The following DMD variants were observed in gnomAD, a reference collection of about 807,000 sequenced individuals.
DMD encodes the protein dystrophin.
DMD carries 63 observed loss-of-function variants against 330.1 expected under a neutral mutation model. The observed-to-expected ratio is 0.19, with a 90% CI of 0.16 to 0.24. The LOEUF is 0.24. DMD is among the 10% of genes least tolerant of loss of function. The probability of loss-of-function intolerance (pLI) is 1.00; values close to 1 mark genes in which losing one functional copy is unlikely to be tolerated. For missense variants in DMD, 3,344 were observed against 2,684.1 expected (o/e 1.25, Z -5.43); for synonymous variants, 1,223 against 959.8 (o/e 1.27, Z -5.07).
At chrX:31,467,356 TGA>T (rs2066930896) in intron 59 of DMD, among the ~76,000 whole-genome samples, 1 of 111,537 alleles carries the variant, frequency 9.0e-6, no homozygotes, top group South Asian at 3.8e-4. Flanking sequence ...CCTAATTTAT[TGA>T]GAGTTTTTAG....
chrX:32,291,704 T>C (rs965801249), intron 42 of DMD, among the ~76,000 whole-genome samples: 1 of 111,864 alleles, frequency 8.9e-6, no homozygotes. Flanking sequence ...CTTGTGTATG[T>C]GTGCATAAGT....
intron 44 of DMD, among the ~76,000 whole-genome samples, chrX:32,129,834 T>C (rs1025841547): frequency 1.8e-5 from 2 of 110,011 alleles, no homozygotes; most frequent in Admixed American, 2.0e-4. Flanking sequence ...CGAGTTTGGG[T>C]CATTTTAAAG....
intron 54 of DMD, among the ~76,000 whole-genome samples, chrX:31,657,319 C>A (rs1426968020): frequency 9.0e-6 from 1 of 111,671 alleles, no homozygotes; most frequent in Non-Finnish European, 1.9e-5. Context: ...AAAATCTCTG[C>A]CCTCATGGCA....
intron 9 of DMD, among the ~76,000 whole-genome samples, chrX:32,691,926 A>C (rs1257417343): frequency 1.8e-5 from 2 of 111,865 alleles, no homozygotes; most frequent in African/African-American, 6.5e-5. Context: ...ACACTCCATG[A>C]TTCTACTTAT....
At chrX:32,252,863 T>C (rs1374784348) in intron 43 of DMD, among the ~76,000 whole-genome samples, 4 of 75,148 alleles carry the variant, frequency 5.3e-5, no homozygotes, top group Non-Finnish European at 9.1e-5. Context: ...TATATATAAA[T>C]ATATAAATAT....
chrX:33,269,973 T>C (rs1322798243), intron 1 of DMD, among the ~76,000 whole-genome samples: 1 of 110,078 alleles, frequency 9.1e-6, no homozygotes, highest in African/African-American at 3.3e-5. Context: ...TATGTATATA[T>C]ATATAATCAC....
chrX:31,185,327 A>C (rs148035490), intron 67 of DMD, among the ~76,000 whole-genome samples: 4,267 of 109,997 alleles, frequency 0.039, 148 homozygotes, highest in South Asian at 0.19. Flanking sequence ...CTGTTACATA[A>C]ATGTTACTCT....
chrX:32,005,422 C>T (rs1012984175), intron 44 of DMD, among the ~76,000 whole-genome samples: 48 of 110,778 alleles, frequency 4.3e-4, no homozygotes, highest in Non-Finnish European at 8.0e-4. Flanking sequence ...TATACGTATT[C>T]CTCTCTGATC....
At chrX:31,451,835 TA>T (rs34070592) in intron 59 of DMD, among the ~76,000 whole-genome samples, 211 of 100,953 alleles carry the variant, frequency 2.1e-3, no homozygotes, top group Middle Eastern at 0.01. Context: ...AAACGTACTT[TA>T]AAAAAAAAAA....
At chrX:32,558,982 G>A (rs867278882) in intron 16 of DMD, among the ~76,000 whole-genome samples, 13 of 71,047 alleles carry the variant, frequency 1.8e-4, no homozygotes, top group Non-Finnish European at 2.7e-4. Context: ...ACGAAGTCTC[G>A]CTCTGTCATC....
At chrX:31,268,845 GTTTT>G (rs779250849) in intron 62 of DMD, among the ~76,000 whole-genome samples, 1 of 112,099 alleles carries the variant, frequency 8.9e-6, no homozygotes, top group African/African-American at 3.2e-5. Context: ...TTCCTTTCCT[GTTTT>G]TTGTTTGTTT....
At chrX:32,199,456 T>C (rs149296279) in intron 44 of DMD, among the ~76,000 whole-genome samples, 114 of 110,951 alleles carry the variant, frequency 1.0e-3, no homozygotes, top group African/African-American at 3.6e-3. Context: ...GAAGTGAGGA[T>C]GTGCAGTCTG....
chrX:33,289,962 C>A (rs2053488826), intron 1 of DMD, among the ~76,000 whole-genome samples: 1 of 111,687 alleles, frequency 9.0e-6, no homozygotes, highest in Admixed American at 9.6e-5. Context: ...CTGCTGCTTA[C>A]TGAACAAGTC....
chrX:31,711,494 A>G (rs762802086), intron 52 of DMD, among the ~76,000 whole-genome samples: 10 of 111,626 alleles, frequency 9.0e-5, no homozygotes, highest in African/African-American at 3.3e-4. Context: ...GTCAATCTAT[A>G]CAGCATATTG....
At chrX:31,738,729 G>A (rs958115165) in intron 51 of DMD, among the ~76,000 whole-genome samples, 7 of 112,151 alleles carry the variant, frequency 6.2e-5, no homozygotes, top group Non-Finnish European at 1.1e-4. Flanking sequence ...ATGCACAATG[G>A]AATACTACTC....
At chrX:31,585,560 C>CT (rs756240154) in intron 55 of DMD, among the ~76,000 whole-genome samples, 5 of 106,886 alleles carry the variant, frequency 4.7e-5, no homozygotes, top group South Asian at 4.3e-4. Context: ...CTAACCTCAG[C>CT]TTTTTTTCCA....
intron 1 of DMD, among the ~76,000 whole-genome samples, chrX:33,177,662 A>G (rs2049747587): frequency 8.9e-6 from 1 of 112,199 alleles, no homozygotes; most frequent in South Asian, 3.7e-4. Flanking sequence ...CTGGGATTAC[A>G]GGCGTGAGCC....
chrX:32,989,139 C>G (rs1482278615), intron 2 of DMD, among the ~76,000 whole-genome samples: 1 of 111,764 alleles, frequency 8.9e-6, no homozygotes, highest in African/African-American at 3.2e-5. Flanking sequence ...AAGCTAAAAA[C>G]TCACTTGTGA....
At chrX:33,211,612 C>T (rs2051921826), upstream of DMD, 1 of 943,629 alleles carries the variant, frequency 1.1e-6, no homozygotes, top group Non-Finnish European at 1.3e-6. Flanking sequence ...AAGCAAGTGA[C>T]CCGCCTTCTC....
Sources: gnomAD v4.1 joint callset for allele counts (sites outside exome capture counted in the v4.1 genomes callset) on GRCh38, gnomAD v4.1.1 for gene constraint, MANE v1.5 for transcripts, NCBI Gene and HGNC (gene_info 2026-07-23, HGNC 2026-07-21) for gene names.